Variants in ADCK1 observed in about 807,000 individuals in gnomAD.
The protein encoded by ADCK1 is aarF domain-containing protein kinase 1.
A neutral mutation model predicts 52.3 loss-of-function variants in ADCK1; 41 were observed. That is an observed-to-expected ratio of 0.78 (90% confidence interval 0.61 to 1.02). The LOEUF (loss-of-function observed/expected upper bound fraction) is 1.02. Ranked by LOEUF, ADCK1 falls within the 50% of genes least tolerant of loss-of-function variation. The probability of loss-of-function intolerance (pLI) is 0.00; values close to 1 mark genes in which losing one functional copy is unlikely to be tolerated. For missense variants in ADCK1, 658 were observed against 679.5 expected (o/e 0.97, Z 0.35); for synonymous variants, 250 against 274.6 (o/e 0.91, Z 0.89).
intron 4 of ADCK1, among the ~76,000 whole-genome samples, chr14:77,879,733 G>A (rs888267032): frequency 6.6e-6 from 1 of 152,146 alleles, no homozygotes; most frequent in African/African-American, 2.4e-5. Context: ...TGGTGAGGAG[G>A]TCATTGCAGT....
chr14:77,827,669 G>A (rs1171063013), intron 3 of ADCK1, among the ~76,000 whole-genome samples: 1 of 152,018 alleles, frequency 6.6e-6, no homozygotes, highest in South Asian at 2.1e-4. Flanking sequence ...TAACTCAAGG[G>A]AAGAAATGAA....
intron 4 of ADCK1, among the ~76,000 whole-genome samples, chr14:77,872,376 G>A (rs182941983): frequency 1.5e-4 from 23 of 152,306 alleles, no homozygotes; most frequent in Non-Finnish European, 2.2e-4. Flanking sequence ...ATCTGTCTGC[G>A]AGGTTGGGCG....
At chr14:77,931,823 C>G (rs1340858524) in intron 10 of ADCK1, 112 bp downstream of exon 10, 2 of 1,144,170 alleles carry the variant, frequency 1.7e-6, no homozygotes, top group Admixed American at 5.4e-5. Context: ...CCTGAGCTTC[C>G]CAATCTCCAG....
At chr14:77,827,510 A>T (rs181455320) in intron 3 of ADCK1, among the ~76,000 whole-genome samples, 2 of 151,958 alleles carry the variant, frequency 1.3e-5, no homozygotes, top group Admixed American at 1.3e-4. Context: ...TTGCAGCCGA[A>T]TGAGTCCTTA....
chr14:77,840,262 G>A (rs1272894695), intron 3 of ADCK1, among the ~76,000 whole-genome samples: 2 of 151,918 alleles, frequency 1.3e-5, no homozygotes, highest in Admixed American at 6.6e-5. Context: ...AGTCTGGAAC[G>A]GTTCTCACTG....
chr14:77,817,989 T>C (rs561178166), intron 1 of ADCK1, among the ~76,000 whole-genome samples: 172 of 152,084 alleles, frequency 1.1e-3, no homozygotes, highest in South Asian at 2.5e-3. Flanking sequence ...CTGCCCGCCT[T>C]GGCCTCCCAA....
chr14:77,852,686 T>TATATATATATA (rs2082322653), intron 3 of ADCK1, among the ~76,000 whole-genome samples: 11 of 87,662 alleles, frequency 1.3e-4, no homozygotes, highest in African/African-American at 5.3e-4. Context: ...TATATATATA[T>TATATATATATA]ATATATATAT....
chr14:77,876,503 T>A (rs181131388), intron 4 of ADCK1, among the ~76,000 whole-genome samples: 268 of 152,304 alleles, frequency 1.8e-3, no homozygotes, highest in Non-Finnish European at 3.0e-3. Flanking sequence ...AAGGTGAACA[T>A]CTTTGGGGGG....
intron 1 of ADCK1, among the ~76,000 whole-genome samples, chr14:77,803,923 T>C (rs529617689): frequency 2.6e-4 from 40 of 152,338 alleles, no homozygotes; most frequent in African/African-American, 9.6e-4. Flanking sequence ...CTCAAGCTCT[T>C]AGCCATTTTA....
At chr14:77,824,364 T>C (rs1245093844) in intron 3 of ADCK1, among the ~76,000 whole-genome samples, 1 of 151,834 alleles carries the variant, frequency 6.6e-6, no homozygotes, top group African/African-American at 2.4e-5. Flanking sequence ...TCCTTAATAA[T>C]CTCTAATAGA....
intron 3 of ADCK1, among the ~76,000 whole-genome samples, chr14:77,855,708 T>C (rs1184066319): frequency 6.6e-6 from 1 of 152,180 alleles, no homozygotes; most frequent in Non-Finnish European, 1.5e-5. Context: ...ACAGTACACA[T>C]GTGTGCCATG....
intron 7 of ADCK1, among the ~76,000 whole-genome samples, chr14:77,912,892 C>T (rs1338175209): frequency 2.0e-5 from 3 of 152,262 alleles, no homozygotes; most frequent in Admixed American, 6.5e-5. Context: ...AACAGTTTAG[C>T]AGGCAAGAGG....
At chr14:77,921,305 C>T (rs10147562) in intron 7 of ADCK1, among the ~76,000 whole-genome samples, 4,189 of 98,454 alleles carry the variant, frequency 0.043, 235 homozygotes, top group African/African-American at 0.15. Context: ...CCAGCCTGGG[C>T]GACAGAGTGA....
chr14:77,930,801 A>G (rs1266647953), intron 9 of ADCK1, among the ~76,000 whole-genome samples: 1 of 152,202 alleles, frequency 6.6e-6, no homozygotes, highest in Non-Finnish European at 1.5e-5. Flanking sequence ...TCATCATCAT[A>G]TCTATGGAGA....
At chr14:77,842,713 G>A (rs566182416) in intron 3 of ADCK1, among the ~76,000 whole-genome samples, 3 of 151,136 alleles carry the variant, frequency 2.0e-5, no homozygotes, top group African/African-American at 4.9e-5. Context: ...ACCACGCCCA[G>A]CTAATTTTTG....
chr14:77,931,663 C>A lies in ADCK1; in HGVS notation c.1352C>A (p.Ala451Asp). ...GCCGCCCTGGGCACCCGCGCCAGCGCCAGCTCCTTTCTCAACATGTCACGT... is the reference window on the plus strand; with the variant it reads ...GCCGCCCTGGGCACCCGCGCCAGCGACAGCTCCTTTCTCAACATGTCACGT... ...IEAALGTRAS[A>D]SSFLNMSRCC... is the part of the protein sequence containing the mutation. The change falls in exon 10 of 11, where the codon GCC (alanine) becomes GAC (aspartate). Residue 451 changes from alanine (A) to aspartate (D), a missense_variant. Coordinates refer to ENST00000238561, the MANE Select transcript of ADCK1 (RefSeq NM_020421.4). 8 of 1,609,392 alleles carry A rather than the reference C, an allele frequency of 5.0e-6. No individual in the cohort carries two copies. The highest frequency in any genetic ancestry group is 6.8e-6 in the Non-Finnish European group (8 of 1,179,998).
At chr14:77,864,663 G>T (rs1190079155) in intron 4 of ADCK1, among the ~76,000 whole-genome samples, 1 of 150,030 alleles carries the variant, frequency 6.7e-6, no homozygotes, top group African/African-American at 2.5e-5. Context: ...GTGTGTGTAT[G>T]TGTGTTTGTG....
chr14:77,871,649 A>C (rs1342251199), intron 4 of ADCK1, among the ~76,000 whole-genome samples: 1 of 152,082 alleles, frequency 6.6e-6, no homozygotes, highest in Non-Finnish European at 1.5e-5. Flanking sequence ...TTTAACTGAC[A>C]GCTGCTCCTG....
intron 3 of ADCK1, among the ~76,000 whole-genome samples, chr14:77,849,319 C>A (rs2082236202): frequency 6.6e-6 from 1 of 152,208 alleles, no homozygotes; most frequent in Non-Finnish European, 1.5e-5. Flanking sequence ...AGCAATCCTC[C>A]CGCCTTGGCC....
Sources: allele counts gnomAD v4.1 joint callset (sites outside exome capture counted in the v4.1 genomes callset), GRCh38; gene constraint gnomAD v4.1.1; transcripts MANE v1.5; gene names NCBI Gene and HGNC (gene_info 2026-07-23, HGNC 2026-07-21).